REXO1: variants seen among roughly 807,000 people sequenced by gnomAD.
REXO1 encodes REX1, RNA exonuclease 1 homolog.
A neutral mutation model predicts 102.6 loss-of-function variants in REXO1; 42 were observed. That is an observed-to-expected ratio of 0.41 (90% CI 0.32 to 0.53). The LOEUF (loss-of-function observed/expected upper bound fraction) is 0.53, where lower values mean the gene tolerates loss of function less well. Ranked by LOEUF, REXO1 falls within the 20% of genes least tolerant of loss-of-function variation. REXO1 has a pLI of 0.27. For missense variants in REXO1, 1,819 were observed against 1,732.5 expected, an observed-to-expected ratio of 1.05 and a Z score of -0.89; for synonymous variants, 908 against 779.1, an observed-to-expected ratio of 1.17 and a Z score of -2.76.
rs1260605636 is a variant in REXO1 at position 1,825,879 on chromosome 19, T to C, written c.1976A>G (p.Gln659Arg). The change falls in exon 3 of 16, where the codon CAG (glutamine) becomes CGG (arginine). Residue 659 changes from glutamine (Q) to arginine (R), a missense_variant. By Grantham distance (43) the Gln-to-Arg change is conservative. Coordinates refer to ENST00000170168, the MANE Select transcript of REXO1 (RefSeq NM_020695.4). ...LSGLTTLFPG[Q>R]KRRISHLSKQ... ...GGAAAGGTGGGAGATCCTCCTCTTC[T>C]GCCCGGGGAACAGAGTGGTCAGACC... 1 of 1,613,486 alleles carries C rather than the reference T, an allele frequency of 6.2e-7. No homozygotes were observed. Among genetic ancestry groups the C allele is most frequent in the South Asian group, 1.1e-5 (1 of 91,058 alleles).
At position 1,832,479 on chromosome 19, in the gene REXO1, C is replaced by T. The variant is rs530778035; in HGVS notation, c.158-3848G>A. ...GCAGGGACAGCGGGAGGCCGGGACC[C>T]GGAGGCTGCAGAGGAGGTGGGAGGA... On this transcript the variant is annotated intron_variant, in intron 1 of 15. Coordinates refer to ENST00000170168, the MANE Select transcript of REXO1 (RefSeq NM_020695.4). Among the ~76,000 whole-genome samples the T allele has an allele frequency of 1.5e-3, 232 of 152,338 alleles. 1 individual carries two copies. The highest frequency in any genetic ancestry group is 4.7e-3 in the African/African-American group (194 of 41,586).
At chr19:1,831,572 G>A (rs1005838578) in intron 1 of REXO1, among the ~76,000 whole-genome samples, 15 of 151,996 alleles carry the variant, frequency 9.9e-5, no homozygotes, top group Non-Finnish European at 1.8e-4. Flanking sequence ...GCCGGTTGTG[G>A]TGGCTCACAC....
At chr19:1,825,786 TTA>T in intron 3 of REXO1, 51 bp downstream of exon 3, 37 of 1,137,310 alleles carry the variant, frequency 3.3e-5, no homozygotes, top group East Asian at 4.9e-5. Context: ...AACCTCGTCT[TTA>T]AAAAAAAAAA....
At position 1,826,866 on chromosome 19, in the gene REXO1, C is replaced by CG; in HGVS notation, c.1911+11dup. The stretch of plus-strand genomic sequence containing the variant: ...TCTGCCCGAGCCCAGCCCCAGCACC[C>CG]GCGCGCCTCACCTGCCGGGCCAGCC... On this transcript the variant is annotated intron_variant, in intron 2 of 15. Transcript: ENST00000170168. The surrounding 1 kb of genome is among the most constrained non-coding windows in gnomAD (Gnocchi z 4.3). 6.4e-7 allele frequency: 1 copy of CG among 1,565,120 alleles called. No individual in the cohort carries two copies. The highest frequency in any genetic ancestry group is 8.6e-7 in the Non-Finnish European group (1 of 1,156,266).
At chr19:1,833,104 G>A (rs2069949539) in intron 1 of REXO1, among the ~76,000 whole-genome samples, 1 of 151,872 alleles carries the variant, frequency 6.6e-6, no homozygotes, top group Admixed American at 6.6e-5. Context: ...GCATGCCTGT[G>A]GTCCCAGCTA....
chr19:1,835,100 G>A, intron 1 of REXO1: 1 of 197,182 alleles, frequency 5.1e-6, no homozygotes, highest in Admixed American at 5.2e-5. Context: ...GTCACCTGAA[G>A]CTGGTACACA....
chr19:1,827,314 A>G lies in REXO1; in HGVS notation c.1475T>C (p.Leu492Pro), dbSNP rs990534311. ...TAGTGAGCGGGCTTTCCGCTCCACT[A>G]GCTTCCCCGACGGGGCCTTGGTGCT... is the stretch of plus-strand genomic sequence containing the variant. ...RKSTKAPSGK[L>P]VERKARSLDE... Residue 492 changes from leucine (L) to proline (P), a missense_variant, in exon 2 of 16, where the codon CTA (leucine) becomes CCA (proline). Leu to Pro is a moderately conservative substitution (Grantham distance 98). Coordinates refer to ENST00000170168, the MANE Select transcript of REXO1 (RefSeq NM_020695.4). 1 of 1,560,314 alleles carries G rather than the reference A, an allele frequency of 6.4e-7. No individual in the cohort carries two copies. The highest frequency in any genetic ancestry group is 1.1e-5 in the South Asian group (1 of 87,178).
intron 6 of REXO1, 82 bp from the exon 7 acceptor site, chr19:1,820,139 G>A (rs1329265681): frequency 3.8e-6 from 6 of 1,566,542 alleles, no homozygotes; most frequent in Non-Finnish European, 5.2e-6. Flanking sequence ...ATGGGGTCGG[G>A]GACTTGCATC....
chr19:1,833,328 C>T (rs1008601796), intron 1 of REXO1, among the ~76,000 whole-genome samples: 2 of 152,246 alleles, frequency 1.3e-5, no homozygotes, highest in East Asian at 1.9e-4. Context: ...CCACGAGGTA[C>T]GGGCAGGCAG....
intron 1 of REXO1, among the ~76,000 whole-genome samples, chr19:1,840,118 A>G (rs2011217366): frequency 6.6e-6 from 1 of 152,134 alleles, no homozygotes; most frequent in African/African-American, 2.4e-5. Context: ...CAGGGCGGGG[A>G]TACGCCTGGA....
At position 1,816,534 on chromosome 19, in the gene REXO1, G is replaced by A. The variant is rs1408691470; in HGVS notation, c.3353C>T (p.Thr1118Ile). 1.1e-5 allele frequency: 18 copies of A among 1,611,472 alleles called. No homozygotes were observed. Among genetic ancestry groups the A allele is most frequent in the Non-Finnish European group, 1.4e-5 (17 of 1,179,246 alleles). The part of the protein sequence containing the change: ...SGVTEADLAD[T>I]SVTLRDVQAV... ...CTGGACGTCACGCAGCGTGACACTTGTGTCGGCAAGGTCAGCCTCCGTCAC... is the reference window on the plus strand; with the variant it reads ...CTGGACGTCACGCAGCGTGACACTTATGTCGGCAAGGTCAGCCTCCGTCAC... Residue 1118 changes from threonine (T) to isoleucine (I), a missense_variant, in exon 14 of 16, where the codon ACA becomes ATA. Thr to Ile is a moderately conservative substitution (Grantham distance 89, BLOSUM62 -1). Transcript: ENST00000170168.
In REXO1 at chr19:1,825,819, C is replaced by A; in HGVS notation, c.2016+20G>T. 1 of 1,492,130 alleles carries A rather than the reference C, an allele frequency of 6.7e-7. No homozygotes were observed. The highest frequency in any genetic ancestry group is 9.3e-7 in the Non-Finnish European group (1 of 1,072,632). 92.4% of individuals were successfully genotyped at this position (1,492,130 alleles called of 1,614,324 possible). A position where few individuals can be genotyped will look rare whatever the true frequency, so the allele number is the denominator to read the frequency against. ...AAAAAAAAAAAAGGCTCCTGCTGGCCTGGCCTCTGCGGACCTTACCTCCTG... is the reference window on the plus strand; with the variant it reads ...AAAAAAAAAAAAGGCTCCTGCTGGCATGGCCTCTGCGGACCTTACCTCCTG... On this transcript the variant is annotated intron_variant, in intron 3 of 15. Transcript: ENST00000170168.
chr19:1,842,279 C>T (rs966741490), intron 1 of REXO1, among the ~76,000 whole-genome samples: 6 of 152,020 alleles, frequency 3.9e-5, no homozygotes, highest in South Asian at 2.1e-4. Flanking sequence ...GCCGCCAGAC[C>T]GGCATCCTCA....
chr19:1,845,314 G>GT (rs1263865020), intron 1 of REXO1, among the ~76,000 whole-genome samples: 2 of 152,206 alleles, frequency 1.3e-5, no homozygotes, highest in African/African-American at 4.8e-5. Flanking sequence ...GGTGCCCGCC[G>GT]TAAGGGCTGC....
chr19:1,827,798 C>A lies in REXO1; in HGVS notation c.991G>T (p.Gly331Trp). 1 of 1,598,480 alleles carries A rather than the reference C, an allele frequency of 6.3e-7. No homozygotes were observed. The highest frequency in any genetic ancestry group is 8.5e-7 in the Non-Finnish European group (1 of 1,175,794). Residue 331 changes from glycine to tryptophan, a missense_variant, in exon 2 of 16, where the codon GGG becomes TGG. Transcript: ENST00000170168. The part of the protein sequence containing the change: ...PPSKEGLEAE[G>W]GGLRETKETA... The stretch of plus-strand genomic sequence containing the variant: ...TCCTTGGTCTCCCGCAGGCCGCCCC[C>A]CTCGGCCTCCAGGCCCTCTTTGGAG...
intron 4 of REXO1, 145 bp downstream of exon 4, chr19:1,823,427 G>A (rs1349127059): frequency 6.2e-6 from 3 of 482,664 alleles, no homozygotes; most frequent in Admixed American, 8.8e-5. Context: ...CAGACAGGCA[G>A]GCTGAGGGCC....
At chr19:1,839,882 G>A (rs1044134666) in intron 1 of REXO1, among the ~76,000 whole-genome samples, 3 of 152,238 alleles carry the variant, frequency 2.0e-5, no homozygotes, top group African/African-American at 7.2e-5. Context: ...GGTGCACGGG[G>A]CGGTGGCCAA....
chr19:1,816,910 A>T, intron 12 of REXO1, 97 bp from the exon 13 acceptor site: 1 of 931,496 alleles, frequency 1.1e-6, no homozygotes. Flanking sequence ...CTCCAGGCAG[A>T]GGCAGTGACC....
intron 1 of REXO1, 95 bp from the exon 2 acceptor site, chr19:1,828,726 A>G: frequency 7.1e-7 from 1 of 1,409,570 alleles, no homozygotes; most frequent in Non-Finnish European, 9.4e-7. Context: ...GGAAGGGAAG[A>G]GACCTGCCTC....
Sources: gnomAD v4.1 joint callset for allele counts (sites outside exome capture counted in the v4.1 genomes callset) on GRCh38, gnomAD v4.1.1 for gene constraint, Gnocchi (gnomAD v3.1) non-coding constraint, MANE v1.5 for transcripts, NCBI Gene and HGNC (gene_info 2026-07-23, HGNC 2026-07-21) for gene names.